The following DMD variants were observed in gnomAD, a reference collection of about 807,000 sequenced individuals.
DMD encodes dystrophin.
In DMD, 63 loss-of-function variants were observed where a neutral mutation model predicts 330.1. The ratio of observed to expected loss-of-function variants is 0.19; its 90% CI spans 0.16 to 0.24. The LOEUF (loss-of-function observed/expected upper bound fraction) is 0.24, where lower values mean the gene tolerates loss of function less well. DMD is among the 10% of genes least tolerant of loss of function. The pLI is 1.00. For synonymous variants in DMD, 1,223 were observed against 959.8 expected (o/e 1.27, Z -5.07); for missense variants, 3,344 against 2,684.1 (o/e 1.25, Z -5.43).
intron 7 of DMD, among the ~76,000 whole-genome samples, chrX:32,710,478 G>C (rs1318005213): frequency 2.7e-5 from 3 of 111,039 alleles, no homozygotes; most frequent in Non-Finnish European, 5.7e-5. Flanking sequence ...TTCCAAATTA[G>C]AGAGCATTAG....
chrX:31,507,205 A>G lies in DMD; in HGVS notation c.8390+76T>C, dbSNP rs2071034467. On this transcript the variant is annotated intron_variant, in intron 56 of 78. Coordinates refer to ENST00000357033, the MANE Select transcript of DMD (RefSeq NM_004006.3). ...TACGTAGACATGTGAGATACCAGTT[A>G]CTTGTGCTAAGACAATGAGGAAAAT... 5 of 986,573 alleles carry G rather than the reference A, an allele frequency of 5.1e-6. No homozygotes were observed. In the African/African-American group the frequency reaches 9.4e-5, roughly 19 times the overall value. 81.3% of individuals were successfully genotyped at this position (986,573 alleles called of 1,213,427 possible).
intron 48 of DMD, among the ~76,000 whole-genome samples, chrX:31,847,715 A>C (rs1569476568): frequency 8.9e-6 from 1 of 112,103 alleles, no homozygotes; most frequent in Non-Finnish European, 1.9e-5. Flanking sequence ...AAGAAACCAC[A>C]TGAGATGGAA....
At chrX:32,972,847 C>A (rs2092431524) in intron 2 of DMD, among the ~76,000 whole-genome samples, 1 of 111,694 alleles carries the variant, frequency 9.0e-6, no homozygotes, top group South Asian at 3.7e-4. Context: ...TAGGATGGTA[C>A]CTTGACATAG....
At chrX:32,925,549 C>CG (rs2088926664) in intron 2 of DMD, among the ~76,000 whole-genome samples, 1 of 110,856 alleles carries the variant, frequency 9.0e-6, no homozygotes, top group Non-Finnish European at 1.9e-5. Flanking sequence ...ATGAAACTGT[C>CG]ACCAAACTAA....
intron 4 of DMD, among the ~76,000 whole-genome samples, chrX:32,823,737 G>T (rs1202963723): frequency 9.0e-6 from 1 of 111,638 alleles, no homozygotes; most frequent in Non-Finnish European, 1.9e-5. Context: ...CTTCCACCTA[G>T]CTCCAAGGAG....
rs113721672 is a variant in DMD at position 32,889,993 on chromosome X, G to A, written c.94-40173C>T. Among the ~76,000 whole-genome samples, 539 of 111,602 alleles carry A rather than the reference G, an allele frequency of 4.8e-3. 6 individuals carry two copies. The East Asian group carries it at 0.061, about 13-fold the overall frequency. ...AATATGCAGGATCTACCGGAAAGTAGGCTTTATATATAAATTAAGTTCAGA... is the reference window on the plus strand; with the variant it reads ...AATATGCAGGATCTACCGGAAAGTAAGCTTTATATATAAATTAAGTTCAGA... On this transcript the variant is annotated intron_variant, in intron 2 of 78. Coordinates refer to ENST00000357033, the MANE Select transcript of DMD (RefSeq NM_004006.3).
chrX:31,683,898 T>C (rs1478707070), intron 52 of DMD, among the ~76,000 whole-genome samples: 1 of 112,656 alleles, frequency 8.9e-6, no homozygotes, highest in African/African-American at 3.2e-5. Flanking sequence ...CTTGCATTAA[T>C]CACTTAATCA....
At chrX:32,892,816 GTC>G (rs2085342259) in intron 2 of DMD, among the ~76,000 whole-genome samples, 1 of 111,962 alleles carries the variant, frequency 8.9e-6, no homozygotes, top group Non-Finnish European at 1.9e-5. Context: ...GGCACATTCT[GTC>G]TCTCTGGCCA....
At chrX:31,477,148 G>A (rs1381862592) in intron 59 of DMD, among the ~76,000 whole-genome samples, 1 of 112,035 alleles carries the variant, frequency 8.9e-6, no homozygotes, top group Non-Finnish European at 1.9e-5. Context: ...GCGGACTAGA[G>A]ATGTAGATAC....
chrX:31,135,776 T>C (rs1411334297), intron 76 of DMD, among the ~76,000 whole-genome samples: 1 of 112,663 alleles, frequency 8.9e-6, no homozygotes, highest in African/African-American at 3.2e-5. Context: ...AAATAACTTC[T>C]ATTCAAGCTC....
intron 2 of DMD, among the ~76,000 whole-genome samples, chrX:32,869,589 C>A (rs2082787862): frequency 9.2e-6 from 1 of 108,748 alleles, no homozygotes; most frequent in Non-Finnish European, 1.9e-5. Flanking sequence ...AACACAAGAA[C>A]TTCACAATGC....
intron 2 of DMD, among the ~76,000 whole-genome samples, chrX:32,901,264 T>C (rs2086214506): frequency 9.0e-6 from 1 of 111,446 alleles, no homozygotes; most frequent in Non-Finnish European, 1.9e-5. Flanking sequence ...CAGAAGGTAA[T>C]CTCCCTTCTT....
chrX:32,930,780 C>A (rs994799603), intron 2 of DMD, among the ~76,000 whole-genome samples: 1 of 109,917 alleles, frequency 9.1e-6, no homozygotes, highest in Non-Finnish European at 1.9e-5. Flanking sequence ...TACCCCATTC[C>A]TCCTACCCTA....
intron 45 of DMD, among the ~76,000 whole-genome samples, chrX:31,939,471 T>G (rs1172257603): frequency 8.9e-6 from 1 of 112,156 alleles, no homozygotes; most frequent in East Asian, 2.8e-4. Context: ...AATATCTGTA[T>G]GGAAAGTAAG....
At position 32,549,301 on chromosome X, in the gene DMD, ATTTCTTCACAGGTGTG is replaced by A. The variant is rs1030461222; in HGVS notation, c.1993-3983_1993-3968del. Among the ~76,000 whole-genome samples, 3 of 111,470 alleles carry A rather than the reference ATTTCTTCACAGGTGTG, an allele frequency of 2.7e-5. No individual in the cohort carries two copies. The South Asian group carries it at 1.1e-3, about 42-fold the overall frequency. On this transcript the variant is annotated intron_variant, in intron 16 of 78. Coordinates refer to ENST00000357033, the MANE Select transcript of DMD (RefSeq NM_004006.3). ...TTCATCTTTAAAGTAAGAGTAACACATTTCTTCACAGGTGTGTTACAAGCAAGGACAGCTTCATGGG... is the reference window on the plus strand; with the variant it reads ...TTCATCTTTAAAGTAAGAGTAACACATTACAAGCAAGGACAGCTTCATGGG...
chrX:32,454,988 A>T (rs1183577623), intron 25 of DMD, among the ~76,000 whole-genome samples, 156 bp from the exon 26 acceptor site: 1 of 111,065 alleles, frequency 9.0e-6, no homozygotes, highest in East Asian at 2.8e-4. Context: ...TGGGGATCAG[A>T]TACACTCAAT....
At chrX:31,133,403 C>T (rs2034775516) in intron 77 of DMD, among the ~76,000 whole-genome samples, 1 of 111,978 alleles carries the variant, frequency 8.9e-6, no homozygotes, top group Non-Finnish European at 1.9e-5. Flanking sequence ...AAAACATCAT[C>T]TTGGATGAAG....
intron 60 of DMD, among the ~76,000 whole-genome samples, chrX:31,431,217 G>A (rs2064048626): frequency 9.0e-6 from 1 of 111,300 alleles, no homozygotes; most frequent in Non-Finnish European, 1.9e-5. Context: ...TTTATGGATG[G>A]AAACAGAGGT....
At chrX:32,052,657 G>C (rs141785315) in intron 44 of DMD, among the ~76,000 whole-genome samples, 31 of 111,630 alleles carry the variant, frequency 2.8e-4, no homozygotes, top group African/African-American at 9.7e-4. Flanking sequence ...TATTGGGTTA[G>C]TCAGATTTCA....
Sources: allele counts gnomAD v4.1 joint callset (sites outside exome capture counted in the v4.1 genomes callset), GRCh38; gene constraint gnomAD v4.1.1; transcripts MANE v1.5; gene names NCBI Gene and HGNC (gene_info 2026-07-23, HGNC 2026-07-21).